EEFSEC: variants seen among roughly 807,000 people sequenced by gnomAD.
EEFSEC encodes eukaryotic elongation factor, selenocysteine-tRNA specific.
A neutral mutation model predicts 42.1 loss-of-function variants in EEFSEC; 43 were observed. That is an observed-to-expected ratio of 1.02 (90% CI 0.80 to 1.32). The LOEUF is 1.32. EEFSEC is among the 40% of genes most tolerant of loss of function. EEFSEC has a pLI of 0.00. For synonymous variants in EEFSEC, 354 were observed against 339.1 expected (o/e 1.04, Z -0.48); for missense variants, 745 against 803.6 (o/e 0.93, Z 0.88).
At chr3:128,267,386 C>A (rs1480084972) in intron 4 of EEFSEC, among the ~76,000 whole-genome samples, 1 of 152,182 alleles carries the variant, frequency 6.6e-6, no homozygotes, top group Non-Finnish European at 1.5e-5. Context: ...TACTTTTGTG[C>A]ACCTGTTTTT....
At chr3:128,327,628 A>T (rs2067079218) in intron 4 of EEFSEC, among the ~76,000 whole-genome samples, 1 of 152,210 alleles carries the variant, frequency 6.6e-6, no homozygotes, top group Non-Finnish European at 1.5e-5. Context: ...AAAGATGTGC[A>T]GGAAGGCATT....
At chr3:128,400,267 C>G (rs1180208303) in intron 6 of EEFSEC, among the ~76,000 whole-genome samples, 1 of 152,220 alleles carries the variant, frequency 6.6e-6, no homozygotes, top group Non-Finnish European at 1.5e-5. Flanking sequence ...TTGGAGCCCA[C>G]CAGCACCCTG....
intron 4 of EEFSEC, among the ~76,000 whole-genome samples, chr3:128,291,401 T>G (rs796616078): frequency 8.5e-5 from 13 of 152,348 alleles, no homozygotes; most frequent in African/African-American, 3.1e-4. Flanking sequence ...AGACTAATAC[T>G]GTTATCCCTT....
chr3:128,154,406 A>C (rs1358467193), intron 1 of EEFSEC, among the ~76,000 whole-genome samples: 1 of 151,728 alleles, frequency 6.6e-6, no homozygotes, highest in Non-Finnish European at 1.5e-5. Context: ...TTTAAAGCTC[A>C]CATAGAATTC....
intron 1 of EEFSEC, among the ~76,000 whole-genome samples, chr3:128,157,712 C>T (rs992665841): frequency 6.6e-6 from 1 of 152,152 alleles, no homozygotes; most frequent in Non-Finnish European, 1.5e-5. Flanking sequence ...AAAAAATACT[C>T]CTTTCAAAAT....
At chr3:128,250,992 G>A (rs1261682299) in intron 2 of EEFSEC, among the ~76,000 whole-genome samples, 2 of 126,342 alleles carry the variant, frequency 1.6e-5, no homozygotes, top group Non-Finnish European at 3.3e-5. Context: ...CCTAAGTATT[G>A]GATTCTTTTA....
chr3:128,200,678 G>C (rs964836833), intron 1 of EEFSEC, among the ~76,000 whole-genome samples: 2 of 152,248 alleles, frequency 1.3e-5, no homozygotes, highest in African/African-American at 4.8e-5. Context: ...GAAACGATGG[G>C]GAGAATTATG....
intron 1 of EEFSEC, among the ~76,000 whole-genome samples, chr3:128,208,312 T>C (rs2065721937): frequency 6.6e-6 from 1 of 152,216 alleles, no homozygotes; most frequent in South Asian, 2.1e-4. Flanking sequence ...TGACCTCTAT[T>C]GACCTGCGCT....
At chr3:128,237,100 G>C (rs1269561784) in intron 1 of EEFSEC, among the ~76,000 whole-genome samples, 1 of 152,120 alleles carries the variant, frequency 6.6e-6, no homozygotes, top group Non-Finnish European at 1.5e-5. Context: ...TTGGACTGTC[G>C]CTCTTTTTAA....
chr3:128,210,867 A>G (rs1202165264), intron 1 of EEFSEC, among the ~76,000 whole-genome samples: 1 of 152,244 alleles, frequency 6.6e-6, no homozygotes, highest in Non-Finnish European at 1.5e-5. Flanking sequence ...CCAGCTGGGC[A>G]TCACTGGCAT....
chr3:128,253,631 C>T lies in EEFSEC; in HGVS notation c.524+6588C>T, dbSNP rs138209109. ...CTCTCTTCCTCAGTGTTATTTTTTCCTTTTCCTCTTTCCTTCCCTCTCCTC... is the reference window on the plus strand; with the variant it reads ...CTCTCTTCCTCAGTGTTATTTTTTCTTTTTCCTCTTTCCTTCCCTCTCCTC... On this transcript the variant is annotated intron_variant, in intron 2 of 6. Transcript: ENST00000254730. Among the ~76,000 whole-genome samples, 12 of 151,918 alleles carry T rather than the reference C, an allele frequency of 7.9e-5. No homozygotes were observed. In the East Asian group the frequency reaches 2.3e-3, roughly 29 times the overall value.
intron 1 of EEFSEC, among the ~76,000 whole-genome samples, chr3:128,203,626 C>G (rs186427926): frequency 6.6e-6 from 1 of 152,318 alleles, no homozygotes; most frequent in East Asian, 1.9e-4. Context: ...AGGCTGGAGC[C>G]AGGTCTGCTA....
At chr3:128,284,276 C>T (rs1250741201) in intron 4 of EEFSEC, among the ~76,000 whole-genome samples, 1 of 152,240 alleles carries the variant, frequency 6.6e-6, no homozygotes, top group Non-Finnish European at 1.5e-5. Context: ...TTGAACTACA[C>T]AATTCTTCCT....
intron 4 of EEFSEC, among the ~76,000 whole-genome samples, chr3:128,340,838 C>A (rs1288400761): frequency 6.6e-6 from 1 of 152,136 alleles, no homozygotes; most frequent in Non-Finnish European, 1.5e-5. Flanking sequence ...GGGGAGGAGG[C>A]AGGCAAACCT....
At chr3:128,269,956 AAGAG>A (rs2066397103) in intron 4 of EEFSEC, among the ~76,000 whole-genome samples, 1 of 152,202 alleles carries the variant, frequency 6.6e-6, no homozygotes, top group African/African-American at 2.4e-5. Context: ...ACCATGGGGA[AAGAG>A]AGCAGGGGCT....
At chr3:128,335,275 A>C (rs1240844294) in intron 4 of EEFSEC, among the ~76,000 whole-genome samples, 1 of 152,220 alleles carries the variant, frequency 6.6e-6, no homozygotes, top group African/African-American at 2.4e-5. Flanking sequence ...GAACAAAGGG[A>C]TGCCAAGCGT....
chr3:128,348,271 C>CGT (rs71618139), intron 5 of EEFSEC, among the ~76,000 whole-genome samples: 3 of 147,818 alleles, frequency 2.0e-5, no homozygotes, highest in African/African-American at 7.6e-5. Flanking sequence ...TGTGTGTGTG[C>CGT]GTGTGCGTGT....
intron 1 of EEFSEC, among the ~76,000 whole-genome samples, chr3:128,244,066 C>T (rs1231311742): frequency 1.3e-5 from 2 of 152,200 alleles, no homozygotes; most frequent in Non-Finnish European, 2.9e-5. Context: ...TCTGTGGGCA[C>T]AGCTTCACCC....
intron 6 of EEFSEC, among the ~76,000 whole-genome samples, chr3:128,360,281 A>G (rs1002325050): frequency 1.3e-5 from 2 of 152,234 alleles, no homozygotes; most frequent in Non-Finnish European, 2.9e-5. Context: ...TCTGGACTCC[A>G]GGGAGCATGC....
Sources: allele counts gnomAD v4.1 joint callset (sites outside exome capture counted in the v4.1 genomes callset), GRCh38; gene constraint gnomAD v4.1.1; transcripts MANE v1.5; gene names NCBI Gene and HGNC (gene_info 2026-07-23, HGNC 2026-07-21).